The following TUSC3 variants were observed in gnomAD, a reference collection of about 807,000 sequenced individuals.
The protein encoded by TUSC3 is tumor suppressor candidate 3.
In TUSC3, 45 loss-of-function variants were observed where a neutral mutation model predicts 44.8. The ratio of observed to expected loss-of-function variants is 1.00; its 90% CI spans 0.79 to 1.29. The LOEUF is 1.29. TUSC3 is among the 50% of genes most tolerant of loss of function. TUSC3 has a pLI of 0.00. For missense variants in TUSC3, 519 were observed against 437.9 expected (o/e 1.19, Z -1.65); for synonymous variants, 212 against 152.9 (o/e 1.39, Z -2.85).
chr8:15,701,604 A>G (rs1809410433), intron 6 of TUSC3, among the ~76,000 whole-genome samples: 1 of 152,168 alleles, frequency 6.6e-6, no homozygotes, highest in South Asian at 2.1e-4. Flanking sequence ...TCAATCTGTT[A>G]ATAAAACAAA....
intron 1 of TUSC3, among the ~76,000 whole-genome samples, chr8:15,418,950 G>A (rs1260875318): frequency 6.6e-6 from 1 of 152,060 alleles, no homozygotes; most frequent in Non-Finnish European, 1.5e-5. Flanking sequence ...AGGCTGCAGT[G>A]AGCCATGATC....
At chr8:15,616,276 A>G (rs1329901515) in intron 1 of TUSC3, among the ~76,000 whole-genome samples, 1 of 152,164 alleles carries the variant, frequency 6.6e-6, no homozygotes, top group Non-Finnish European at 1.5e-5. Context: ...TGCATATTAT[A>G]TATGTGTTTC....
chr8:15,635,494 A>G (rs1452269780), intron 2 of TUSC3, among the ~76,000 whole-genome samples: 1 of 152,118 alleles, frequency 6.6e-6, no homozygotes, highest in African/African-American at 2.4e-5. Flanking sequence ...GTATTATTAG[A>G]CTGTAATATA....
intron 1 of TUSC3, among the ~76,000 whole-genome samples, chr8:15,429,276 T>A (rs1237228414): frequency 6.6e-6 from 1 of 152,178 alleles, no homozygotes; most frequent in Admixed American, 6.5e-5. Context: ...GATCAGATAG[T>A]TGCAGATATG....
At chr8:15,639,041 C>T (rs550539463) in intron 2 of TUSC3, among the ~76,000 whole-genome samples, 3 of 144,016 alleles carry the variant, frequency 2.1e-5, no homozygotes, top group African/African-American at 8.3e-5. Context: ...ACGTGATGTT[C>T]AGGGCTCCAG....
At chr8:15,796,664 T>C in the TUSC3 span, among the ~76,000 whole-genome samples, 5 of 152,190 alleles carry the variant, frequency 3.3e-5, no homozygotes, top group Non-Finnish European at 7.3e-5. Context: ...TCCACTGAGG[T>C]AGCAGCTTAG....
chr8:15,456,025 C>T (rs747063697), intron 1 of TUSC3, among the ~76,000 whole-genome samples: 21 of 152,122 alleles, frequency 1.4e-4, no homozygotes, highest in African/African-American at 1.4e-4. Flanking sequence ...CCAACCACTC[C>T]GGTGGCCCTA....
Position 15,540,571 on chromosome 8 carries a change from A to G in TUSC3, c.138+3A>G, listed in dbSNP as rs776745682. On this transcript the variant is annotated splice_donor_region_variant and intron_variant, in intron 1 of 10. Transcript: ENST00000503731. ...GGGGAGGACAGAAGAAAAAGGAGGTAGAATGGATCCCCTTGGCCTTCCCCT... is the reference window on the plus strand; with the variant it reads ...GGGGAGGACAGAAGAAAAAGGAGGTGGAATGGATCCCCTTGGCCTTCCCCT... 10 of 1,578,310 alleles carry G rather than the reference A, an allele frequency of 6.3e-6. No homozygotes were observed. Among genetic ancestry groups the G allele is most frequent in the African/African-American group, 1.4e-5 (1 of 71,492 alleles).
chr8:15,586,537 G>A (rs1020639954), intron 1 of TUSC3, among the ~76,000 whole-genome samples: 1 of 152,066 alleles, frequency 6.6e-6, no homozygotes, highest in South Asian at 2.1e-4. Context: ...AAAGAGGGTC[G>A]CATTACCTCA....
intron 2 of TUSC3, among the ~76,000 whole-genome samples, chr8:15,626,907 A>C (rs970319144): frequency 1.3e-5 from 2 of 152,214 alleles, no homozygotes; most frequent in Non-Finnish European, 2.9e-5. Context: ...GAATGGCTGC[A>C]GGAGGCAGAC....
chr8:15,720,315 C>T (rs537449891), intron 6 of TUSC3, among the ~76,000 whole-genome samples: 2 of 151,448 alleles, frequency 1.3e-5, no homozygotes, highest in African/African-American at 2.4e-5. Context: ...TCATCTGTAG[C>T]CTTCAAATAG....
chr8:15,592,375 C>A (rs1167839863), intron 1 of TUSC3, among the ~76,000 whole-genome samples: 1 of 152,116 alleles, frequency 6.6e-6, no homozygotes, highest in Non-Finnish European at 1.5e-5. Context: ...CTCCAAATCT[C>A]ATGTCAAAAT....
intron 1 of TUSC3, among the ~76,000 whole-genome samples, chr8:15,482,991 C>G (rs1372604104): frequency 6.7e-6 from 1 of 149,758 alleles, no homozygotes; most frequent in East Asian, 1.9e-4. Flanking sequence ...AGAAAAATAT[C>G]AAGTCAAAAG....
chr8:15,652,699 C>A lies in TUSC3; in HGVS notation c.426+1885C>A, dbSNP rs118040116. On this transcript the variant is annotated intron_variant, in intron 3 of 10. Transcript: ENST00000503731. ...TATAAGTAATAGATCTCTATAGAAT[C>A]TCAGGATAATTGGCCTTAGAGATCA... Among the ~76,000 whole-genome samples, 142 of 152,128 alleles carry A rather than the reference C, an allele frequency of 9.3e-4. 2 individuals carry two copies. The highest frequency in any genetic ancestry group is 2.0e-3 in the Admixed American group (30 of 15,284).
intron 9 of TUSC3, among the ~76,000 whole-genome samples, chr8:15,756,696 A>G (rs902820612): frequency 1.3e-5 from 2 of 152,200 alleles, no homozygotes; most frequent in African/African-American, 4.8e-5. Context: ...AACTGGAACC[A>G]TTAAAATACA....
chr8:15,636,716 G>A lies in TUSC3; in HGVS notation c.308+13467G>A, dbSNP rs150440163. On this transcript the variant is annotated intron_variant, in intron 2 of 10. Transcript: ENST00000503731. ...ATTGTTTCCTTTTCAGAGGACACTG[G>A]TTTGTGGGCTAGTCTATATAAATGA... is the stretch of plus-strand genomic sequence containing the variant. Among the ~76,000 whole-genome samples, 788 of 152,308 alleles carry A rather than the reference G, an allele frequency of 5.2e-3. 2 individuals are homozygous for A. Among genetic ancestry groups the A allele is most frequent in the African/African-American group, 0.017 (709 of 41,552 alleles).
intron 1 of TUSC3, among the ~76,000 whole-genome samples, chr8:15,423,292 C>CT (rs1205585072): frequency 2.0e-5 from 3 of 152,050 alleles, no homozygotes; most frequent in Non-Finnish European, 2.9e-5. Flanking sequence ...TCTCTGTATC[C>CT]TTTTTTGAAG....
the TUSC3 span, among the ~76,000 whole-genome samples, chr8:15,836,194 A>G: frequency 2.0e-4 from 30 of 152,040 alleles, no homozygotes; most frequent in Middle Eastern, 3.4e-3. Context: ...AAAGTAACAC[A>G]GCTGGGCATG....
intron 2 of TUSC3, among the ~76,000 whole-genome samples, chr8:15,507,948 A>G (rs1258083623): frequency 1.3e-5 from 2 of 152,168 alleles, no homozygotes; most frequent in Non-Finnish European, 2.9e-5. Context: ...GATGAGTCAA[A>G]ACTTGCTCTG....
Sources: gnomAD v4.1 joint callset for allele counts (sites outside exome capture counted in the v4.1 genomes callset) on GRCh38, gnomAD v4.1.1 for gene constraint, MANE v1.5 for transcripts, NCBI Gene and HGNC (gene_info 2026-07-23, HGNC 2026-07-21) for gene names.